The following RRM2 variants were observed in gnomAD, a reference collection of about 807,000 sequenced individuals.
RRM2 encodes the protein ribonucleoside-diphosphate reductase subunit M2.
In RRM2, 6 loss-of-function variants were observed where a neutral mutation model predicts 45.9. The ratio of observed to expected loss-of-function variants is 0.13; its 90% CI spans 0.07 to 0.26. RRM2 has a LOEUF of 0.26. RRM2 is among the 10% of genes least tolerant of loss of function. The pLI, the probability that RRM2 is intolerant of heterozygous loss-of-function variation, is 1.00. For missense variants in RRM2, 343 were observed against 489.5 expected (o/e 0.70, Z 2.82); for synonymous variants, 177 against 173.0 (o/e 1.02, Z -0.18).
At chr2:10,187,851 G>A (rs575266789) in intron 3 of RRM2, among the ~76,000 whole-genome samples, 1 of 152,254 alleles carries the variant, frequency 6.6e-6, no homozygotes, top group East Asian at 1.9e-4. Flanking sequence ...TGCAGCATTC[G>A]GCCATTTGCC....
At chr2:10,163,698 GC>G (rs1663618160) in intron 3 of RRM2, among the ~76,000 whole-genome samples, 1 of 152,252 alleles carries the variant, frequency 6.6e-6, no homozygotes, top group African/African-American at 2.4e-5. Context: ...TTCCCCGGCT[GC>G]CCAGTGGCCG....
chr2:10,174,753 G>A (rs1055721354), intron 3 of RRM2, among the ~76,000 whole-genome samples: 1 of 152,032 alleles, frequency 6.6e-6, no homozygotes, highest in South Asian at 2.1e-4. Context: ...TGTAATTTCA[G>A]GTATTTGGGA....
At chr2:10,150,743 A>T (rs1265361546) in intron 3 of RRM2, among the ~76,000 whole-genome samples, 1 of 136,932 alleles carries the variant, frequency 7.3e-6, no homozygotes, top group Non-Finnish European at 1.6e-5. Context: ...CTAGAATTTC[A>T]TGTAAATAGA....
chr2:10,198,530 G>A (rs1044636221), intron 3 of RRM2: 33 of 152,140 alleles, frequency 2.2e-4, no homozygotes, highest in African/African-American at 7.5e-4. Context: ...AGCTTTCCAA[G>A]TAGCTGAGGA....
At chr2:10,142,482 C>T (rs534266021) in intron 3 of RRM2, 16 of 1,144,462 alleles carry the variant, frequency 1.4e-5, no homozygotes, top group Middle Eastern at 3.0e-4. Context: ...AGGGCCCCCA[C>T]GCACCCCTGC....
rs1664149794 is a variant in RRM2, at chr2:10,185,679, T to A, written n.483-24632T>A. 6.6e-6 allele frequency among the ~76,000 whole-genome samples: 1 copy of A among 152,178 alleles called. No individual in the cohort carries two copies. The highest frequency in any genetic ancestry group is 1.5e-5 in the Non-Finnish European group (1 of 68,034). On this transcript the variant is annotated intron_variant and non_coding_transcript_variant, in intron 3 of 3. Transcript: ENST00000381786. The surrounding 1 kb of genome is among the most constrained non-coding windows in gnomAD (Gnocchi z 4.3). The stretch of plus-strand genomic sequence containing the variant: ...CTTGAGGATGAGAAATTCTTACAAA[T>A]GTATATTTTTTGTGCCCCTGTGTCT...
intron 3 of RRM2, among the ~76,000 whole-genome samples, chr2:10,177,976 C>T (rs1465228263): frequency 6.7e-6 from 1 of 149,962 alleles, no homozygotes; most frequent in African/African-American, 2.5e-5. Flanking sequence ...GGCTGGAGTG[C>T]AGTGGCGCGA....
chr2:10,124,960 T>A, intron 5 of RRM2, 110 bp downstream of exon 5: 1 of 993,844 alleles, frequency 1.0e-6, no homozygotes, highest in South Asian at 1.7e-5. Context: ...ACTAAGACAG[T>A]CATAGGCATT....
In RRM2 at chr2:10,122,892, A is replaced by G. The variant is rs1221745330; in HGVS notation, c.94A>G (p.Asn32Asp). The G allele has an allele frequency of 6.3e-7, 1 of 1,588,758 alleles. No homozygotes were observed. Among genetic ancestry groups the G allele is most frequent in the Admixed American group, 1.8e-5 (1 of 56,042 alleles). Residue 32 changes from asparagine (N) to aspartate (D), a missense_variant, in exon 1 of 10, where the codon AAC becomes GAC. Asn to Asp is a conservative substitution (Grantham distance 23, BLOSUM62 1). Around this residue, in one of 2 missense-constraint regions of RRM2, gnomAD observed 131 missense variants for 121.4 expected, o/e 1.08. Coordinates refer to ENST00000304567, the MANE Select transcript of RRM2 (RefSeq NM_001034.4). Reference sequence around the variant, plus strand: ...GGGGCTCAGCTTGGTCGACAAGGAGAACACGGTGAGCCCGCGGGGAGGGCG... The same window carrying G: ...GGGGCTCAGCTTGGTCGACAAGGAGGACACGGTGAGCCCGCGGGGAGGGCG... ...LKGLSLVDKE[N>D]TPPALSGTRV...
chr2:10,169,007 C>T lies in RRM2; in HGVS notation n.482+26632C>T, dbSNP rs953718825. On this transcript the variant is annotated intron_variant and non_coding_transcript_variant, in intron 3 of 3. Transcript: ENST00000381786. This position sits in a 1 kb window ranked among gnomAD's most constrained non-coding sequence, Gnocchi z 5.1. The stretch of plus-strand genomic sequence containing the variant: ...ATTTATTTAGAGACAGGGTCTTGCT[C>T]TGTCACCCAGGCTGGAGTGCAGTGG... 2.0e-5 allele frequency among the ~76,000 whole-genome samples: 3 copies of T among 152,108 alleles called. No individual in the cohort carries two copies. In the South Asian group the frequency reaches 6.2e-4, roughly 32 times the overall value.
At chr2:10,167,745 A>G (rs574593477) in intron 3 of RRM2, among the ~76,000 whole-genome samples, 2 of 152,198 alleles carry the variant, frequency 1.3e-5, no homozygotes, top group South Asian at 2.1e-4. Context: ...AGAACTCTTC[A>G]TGGCAGAGAC....
rs1664142375 is a variant in RRM2 at position 10,185,335 on chromosome 2, GATTCATTAATAT to G, written n.483-24970_483-24959del. Among the ~76,000 whole-genome samples the G allele has an allele frequency of 4.6e-5, 7 of 152,174 alleles. No individual in the cohort carries two copies. The South Asian group carries it at 1.5e-3, about 32-fold the overall frequency. On this transcript the variant is annotated intron_variant and non_coding_transcript_variant, in intron 3 of 3. Coordinates refer to the RRM2 transcript ENST00000381786. This position sits in a 1 kb window ranked among gnomAD's most constrained non-coding sequence, Gnocchi z 4.3. ...GCGTGGGAGGGAGACAGACGGCATC[GATTCATTAATAT>G]ATTCAAAACTATATTCAAAAACTAT...
chr2:10,142,290 C>T (rs897514218), exon 3 of RRM2: 3 of 1,417,694 alleles, frequency 2.1e-6, no homozygotes, highest in Non-Finnish European at 2.8e-6. Flanking sequence ...ACCAGCCTTA[C>T]GTCTTGAAAG....
At chr2:10,132,269 G>T (rs1283530228), downstream of RRM2, among the ~76,000 whole-genome samples, 1 of 152,232 alleles carries the variant, frequency 6.6e-6, no homozygotes, top group Non-Finnish European at 1.5e-5. Context: ...CGCTAAGCCA[G>T]AGGGGAGGCC....
intron 3 of RRM2, among the ~76,000 whole-genome samples, chr2:10,152,764 A>G (rs895537825): frequency 1.3e-5 from 2 of 151,898 alleles, no homozygotes; most frequent in South Asian, 2.1e-4. Flanking sequence ...ATTATAGGCA[A>G]GAGCCACCAC....
intron 3 of RRM2, among the ~76,000 whole-genome samples, chr2:10,158,469 G>A (rs1200036037): frequency 6.6e-6 from 1 of 151,936 alleles, no homozygotes; most frequent in African/African-American, 2.4e-5. Context: ...TCTTGGCCAT[G>A]TCTTTCCATC....
At chr2:10,182,090 A>G (rs1203322068) in intron 3 of RRM2, among the ~76,000 whole-genome samples, 1 of 151,978 alleles carries the variant, frequency 6.6e-6, no homozygotes, top group Non-Finnish European at 1.5e-5. Flanking sequence ...CTTTTCTGAC[A>G]TTGAGCAAAT....
intron 3 of RRM2, among the ~76,000 whole-genome samples, chr2:10,181,717 T>G (rs943595941): frequency 6.7e-6 from 1 of 150,086 alleles, no homozygotes; most frequent in Admixed American, 6.6e-5. Flanking sequence ...GGGATTGTGC[T>G]CAATCTGACA....
rs748239243 is a variant in RRM2, at chr2:10,124,752, A to G, written c.471A>G (p.Glu157=). 4 of 1,612,030 alleles carry G rather than the reference A, an allele frequency of 2.5e-6. No homozygotes were observed. The highest frequency in any genetic ancestry group is 1.7e-6 in the Non-Finnish European group (2 of 1,179,796). The part of the protein sequence containing the change: ...ERFSQEVQIT[E]ARCFYGFQIA... ...TTAGCCAAGAAGTTCAGATTACAGA[A>G]GCCCGCTGTTTCTATGGCTTCCAAA... Residue 157 remains glutamate, a synonymous_variant, in exon 5 of 10, where the codon GAA becomes GAG. Coordinates refer to ENST00000304567, the MANE Select transcript of RRM2 (RefSeq NM_001034.4).
Sources: gnomAD v4.1 joint callset for allele counts (sites outside exome capture counted in the v4.1 genomes callset) on GRCh38, gnomAD v4.1.1 for gene constraint, gnomAD v4.1.1 regional missense constraint, Gnocchi (gnomAD v3.1) non-coding constraint, MANE v1.5 for transcripts, NCBI Gene and HGNC (gene_info 2026-07-23, HGNC 2026-07-21) for gene names.